Variants in GALNT17 observed in about 807,000 individuals in gnomAD.
The protein encoded by GALNT17 is polypeptide N-acetylgalactosaminyltransferase 17.
A neutral mutation model predicts 63.7 loss-of-function variants in GALNT17; 29 were observed. The ratio of observed to expected loss-of-function variants is 0.46; its 90% CI spans 0.34 to 0.62. GALNT17 has a LOEUF of 0.62. Among genes scored for constraint, GALNT17 ranks in the 20% least tolerant of loss-of-function variants. GALNT17 has a pLI of 0.01. For missense variants in GALNT17, 603 were observed against 799.6 expected (o/e 0.75, Z 2.97); for synonymous variants, 305 against 318.3 (o/e 0.96, Z 0.45).
chr7:71,523,787 T>TAAA (rs1562675393), intron 5 of GALNT17, among the ~76,000 whole-genome samples: 1,366 of 120,500 alleles, frequency 0.011, 4 homozygotes, highest in Non-Finnish European at 0.015. Flanking sequence ...AAATAAATAA[T>TAAA]AAAGAAAAGA....
Position 71,286,243 on chromosome 7 carries a change from A to C in GALNT17, c.239-49307A>C, listed in dbSNP as rs564062716. ...CTTAAGCCTCAATAGCTTCACAGTA[A>C]ATCTTGCTCTGCCCACGTTGATTAC... On this transcript the variant is annotated intron_variant, in intron 1 of 10. Coordinates refer to ENST00000333538, the MANE Select transcript of GALNT17 (RefSeq NM_022479.3). 3.3e-5 allele frequency among the ~76,000 whole-genome samples: 5 copies of C among 152,334 alleles called. 1 individual carries two copies. In the South Asian group the frequency reaches 1.0e-3, roughly 32 times the overall value.
intron 6 of GALNT17, among the ~76,000 whole-genome samples, chr7:71,617,845 C>A (rs974933269): frequency 1.3e-5 from 2 of 151,976 alleles, no homozygotes; most frequent in African/African-American, 4.8e-5. Context: ...CAGGATTTCA[C>A]CATATTAGCC....
chr7:71,226,437 C>T lies in GALNT17; in HGVS notation c.238+93397C>T, dbSNP rs1044010713. Among the ~76,000 whole-genome samples the T allele has an allele frequency of 5.3e-5, 8 of 152,232 alleles. No homozygotes were observed. In the East Asian group the frequency reaches 1.2e-3, roughly 22 times the overall value. On this transcript the variant is annotated intron_variant, in intron 1 of 10. Transcript: ENST00000333538. ...TTTGGAAACCTCCTTTTTCTATCTTCGTGGTCTAGGCCAACTCAGTCCTCT... is the reference window on the plus strand; with the variant it reads ...TTTGGAAACCTCCTTTTTCTATCTTTGTGGTCTAGGCCAACTCAGTCCTCT...
intron 1 of GALNT17, among the ~76,000 whole-genome samples, chr7:71,154,568 A>G (rs958987088): frequency 6.6e-6 from 1 of 152,060 alleles, no homozygotes; most frequent in African/African-American, 2.4e-5. Context: ...AATAGCCAAC[A>G]TTTATTTATT....
intron 9 of GALNT17, among the ~76,000 whole-genome samples, chr7:71,681,228 A>C (rs1791256810): frequency 1.3e-5 from 2 of 152,098 alleles, no homozygotes; most frequent in South Asian, 4.1e-4. Flanking sequence ...GCTGATTTCT[A>C]GGTGATGCTG....
intron 1 of GALNT17, among the ~76,000 whole-genome samples, chr7:71,220,364 A>G (rs1478278711): frequency 1.3e-5 from 2 of 152,200 alleles, no homozygotes; most frequent in African/African-American, 4.8e-5. Context: ...GGCACCAACA[A>G]CAGAAACTGG....
At chr7:71,229,303 G>A (rs1034480579) in intron 1 of GALNT17, among the ~76,000 whole-genome samples, 2 of 152,208 alleles carry the variant, frequency 1.3e-5, no homozygotes, top group Admixed American at 6.5e-5. Context: ...GGCTGTCAAC[G>A]GACCCAGGAT....
intron 1 of GALNT17, among the ~76,000 whole-genome samples, chr7:71,166,449 G>A (rs1381428986): frequency 6.6e-6 from 1 of 152,184 alleles, no homozygotes; most frequent in Non-Finnish European, 1.5e-5. Context: ...GATCAAGATA[G>A]TGACGCATCC....
intron 6 of GALNT17, among the ~76,000 whole-genome samples, chr7:71,643,947 T>C (rs1320404873): frequency 6.6e-6 from 1 of 152,136 alleles, no homozygotes; most frequent in Non-Finnish European, 1.5e-5. Flanking sequence ...CCAGTGACAT[T>C]TACAATCTCC....
intron 5 of GALNT17, among the ~76,000 whole-genome samples, chr7:71,461,533 G>A (rs971880625): frequency 6.6e-6 from 1 of 152,236 alleles, no homozygotes; most frequent in Non-Finnish European, 1.5e-5. Context: ...ACTTAGAGGA[G>A]CATTTGAAGA....
chr7:71,510,366 T>A lies in GALNT17; in HGVS notation c.963-60919T>A, dbSNP rs535992278. On this transcript the variant is annotated intron_variant, in intron 5 of 10. Transcript: ENST00000333538. ...GAGACCCCATACTTCTTAGCTATCA[T>A]CTCTCAGCCCCTCCATCCCTCCCAG... Among the ~76,000 whole-genome samples, 15 of 152,316 alleles carry A rather than the reference T, an allele frequency of 9.8e-5. No homozygotes were observed. In the South Asian group the frequency reaches 2.9e-3, roughly 29 times the overall value.
chr7:71,419,406 G>A (rs573779474), intron 4 of GALNT17, among the ~76,000 whole-genome samples: 5 of 152,126 alleles, frequency 3.3e-5, no homozygotes, highest in African/African-American at 1.2e-4. Flanking sequence ...GGTTGCATTA[G>A]TCAACACATG....
intron 5 of GALNT17, among the ~76,000 whole-genome samples, chr7:71,495,117 A>C (rs1382487239): frequency 1.3e-5 from 2 of 152,166 alleles, no homozygotes; most frequent in Admixed American, 1.3e-4. Context: ...TACTAAAAAA[A>C]ATACAGAAAC....
chr7:71,493,661 TG>T (rs1280728284), intron 5 of GALNT17, among the ~76,000 whole-genome samples: 1 of 152,144 alleles, frequency 6.6e-6, no homozygotes, highest in African/African-American at 2.4e-5. Context: ...CCCCCAGGGA[TG>T]GTCCCTCCCA....
At chr7:71,521,172 G>A (rs1375667319) in intron 5 of GALNT17, among the ~76,000 whole-genome samples, 2 of 152,064 alleles carry the variant, frequency 1.3e-5, no homozygotes, top group Non-Finnish European at 1.5e-5. Flanking sequence ...AGCTTGGCAT[G>A]TACACTTCTT....
At chr7:71,357,980 A>G (rs776800655) in intron 2 of GALNT17, among the ~76,000 whole-genome samples, 2 of 152,300 alleles carry the variant, frequency 1.3e-5, no homozygotes, top group East Asian at 1.9e-4. Flanking sequence ...GGAACATGGG[A>G]GGGGACAAAT....
intron 1 of GALNT17, among the ~76,000 whole-genome samples, chr7:71,249,928 A>G (rs1197493680): frequency 6.6e-6 from 1 of 152,252 alleles, no homozygotes; most frequent in African/African-American, 2.4e-5. Context: ...ATGCATTTCA[A>G]TATTTTTAAC....
At chr7:71,443,169 C>A (rs1419961469) in intron 5 of GALNT17, among the ~76,000 whole-genome samples, 1 of 152,094 alleles carries the variant, frequency 6.6e-6, no homozygotes, top group African/African-American at 2.4e-5. Context: ...AGCTTCGTCG[C>A]CAATTCAAAT....
intron 9 of GALNT17, among the ~76,000 whole-genome samples, chr7:71,686,824 G>A (rs940585526): frequency 2.0e-5 from 3 of 152,084 alleles, no homozygotes; most frequent in Non-Finnish European, 2.9e-5. Context: ...CTTTGTCCCC[G>A]AGCTGAGACT....
Sources: allele counts gnomAD v4.1 joint callset (sites outside exome capture counted in the v4.1 genomes callset), GRCh38; gene constraint gnomAD v4.1.1; transcripts MANE v1.5; gene names NCBI Gene and HGNC (gene_info 2026-07-23, HGNC 2026-07-21).